The following TSGA10 variants were observed in gnomAD, a reference collection of about 807,000 sequenced individuals.
TSGA10 encodes testis-specific gene 10 protein.
A neutral mutation model predicts 96.6 loss-of-function variants in TSGA10; 43 were observed. The ratio of observed to expected loss-of-function variants is 0.44; its 90% confidence interval spans 0.35 to 0.57. TSGA10 has a LOEUF of 0.57. Ranked by LOEUF, TSGA10 falls within the 20% of genes least tolerant of loss-of-function variation. The probability of loss-of-function intolerance (pLI) is 0.01; values close to 1 mark genes in which losing one functional copy is unlikely to be tolerated. For synonymous variants in TSGA10, 229 were observed against 269.9 expected, an observed-to-expected ratio of 0.85 and a Z score of 1.48; for missense variants, 703 against 834.4, an observed-to-expected ratio of 0.84 and a Z score of 1.94.
intron 1 of TSGA10, among the ~76,000 whole-genome samples, chr2:99,144,669 A>AAAAAAAAAAAAAAAAC (rs2093614126): frequency 6.6e-6 from 1 of 151,522 alleles, no homozygotes; most frequent in African/African-American, 2.4e-5. Context: ...AAAAAAAAAA[A>AAAAAAAAAAAAAAAAC]AAGATGCTGA....
At chr2:99,126,316 C>G (rs1261352224) in intron 2 of TSGA10, 1 of 152,232 alleles carries the variant, frequency 6.6e-6, no homozygotes, top group East Asian at 1.9e-4. Flanking sequence ...CTTTCCTGGT[C>G]CTTTTCTTCG....
chr2:99,005,181 G>A (rs1466588657), intron 20 of TSGA10, among the ~76,000 whole-genome samples: 3 of 152,144 alleles, frequency 2.0e-5, no homozygotes, highest in Non-Finnish European at 4.4e-5. Context: ...CCCACAGCCA[G>A]TATCATACTG....
intron 10 of TSGA10, among the ~76,000 whole-genome samples, chr2:99,091,654 T>C (rs1367367233): frequency 6.6e-6 from 1 of 152,110 alleles, no homozygotes; most frequent in Non-Finnish European, 1.5e-5. Flanking sequence ...AGAGTAGCTA[T>C]TCTTATATCA....
At chr2:99,097,120 C>T (rs1009613046) in intron 10 of TSGA10, among the ~76,000 whole-genome samples, 4 of 152,060 alleles carry the variant, frequency 2.6e-5, no homozygotes, top group Admixed American at 1.3e-4. Flanking sequence ...GAAGGAAACG[C>T]TCTGTATCTT....
chr2:99,082,519 G>C (rs181747293), intron 10 of TSGA10, among the ~76,000 whole-genome samples: 7 of 152,134 alleles, frequency 4.6e-5, no homozygotes, highest in African/African-American at 1.4e-4. Context: ...TCTCTAACTC[G>C]CTTGGGTATA....
At position 99,102,300 on chromosome 2, in the gene TSGA10, C is replaced by T. The variant is rs1337611250; in HGVS notation, c.611+1667G>A. 5 of 1,611,832 alleles carry T rather than the reference C, an allele frequency of 3.1e-6. No homozygotes were observed. In the African/African-American group the frequency reaches 6.7e-5, roughly 22 times the overall value. On this transcript the variant is annotated intron_variant, in intron 10 of 20. Coordinates refer to ENST00000393483, the MANE Select transcript of TSGA10 (RefSeq NM_025244.4). ...AGGAGATGTGGAGGGCAGTCAGTCT[C>T]AAGATGAAGGAGAAGGGAGTGGTGA...
intron 1 of TSGA10, among the ~76,000 whole-genome samples, chr2:99,153,413 T>C (rs13421380): frequency 2.4e-4 from 36 of 152,150 alleles, no homozygotes; most frequent in African/African-American, 8.4e-4. Flanking sequence ...CACTGGAGGA[T>C]TGTTAAAGAG....
chr2:99,050,440 G>GA (rs1473615245), intron 16 of TSGA10, among the ~76,000 whole-genome samples: 1 of 151,868 alleles, frequency 6.6e-6, no homozygotes, highest in Non-Finnish European at 1.5e-5. Context: ...TCCATAATCA[G>GA]AAAAAAATCC....
intron 10 of TSGA10, chr2:99,102,468 G>A (rs1455268725): frequency 1.9e-5 from 31 of 1,613,690 alleles, no homozygotes; most frequent in Non-Finnish European, 8.5e-7. Flanking sequence ...ATCCTTGGTA[G>A]CCCTTGCTCT....
intron 11 of TSGA10, among the ~76,000 whole-genome samples, chr2:99,079,976 T>C (rs1236466662): frequency 6.6e-6 from 1 of 152,222 alleles, no homozygotes; most frequent in Admixed American, 6.5e-5. Context: ...TGTCCTGATA[T>C]CTGAGTTCAT....
intron 12 of TSGA10, among the ~76,000 whole-genome samples, chr2:99,074,351 C>CGTGTGTGTGTGTGTGTGTGTGTGTGTGT (rs147220063): frequency 6.9e-6 from 1 of 145,038 alleles, no homozygotes; most frequent in Non-Finnish European, 1.5e-5. Context: ...CACATATTTG[C>CGTGTGTGTGTGTGTGTGTGTGTGTGTGT]GTGTGTGTGT....
chr2:99,104,184 C>G (rs1302900303), intron 9 of TSGA10, 66 bp from the exon 10 acceptor site: 1 of 1,562,750 alleles, frequency 6.4e-7, no homozygotes, highest in Admixed American at 1.7e-5. Flanking sequence ...TCCTGAAGGG[C>G]ATACTCCCTC....
intron 2 of TSGA10, among the ~76,000 whole-genome samples, chr2:99,122,005 A>C (rs2092598657): frequency 6.6e-6 from 1 of 152,162 alleles, no homozygotes; most frequent in South Asian, 2.1e-4. Context: ...AAATGCTCCA[A>C]CACCACTTGT....
chr2:99,030,633 TG>T (rs2081052469), intron 17 of TSGA10, among the ~76,000 whole-genome samples: 1 of 152,072 alleles, frequency 6.6e-6, no homozygotes, highest in Non-Finnish European at 1.5e-5. Context: ...GGTGACAGAG[TG>T]AGACCCAATC....
rs1176013083 is a variant in TSGA10, at chr2:99,014,521, G to C, written c.2072+3679C>G. Among the ~76,000 whole-genome samples the C allele has an allele frequency of 2.6e-5, 4 of 152,112 alleles. 1 individual carries two copies. Among genetic ancestry groups the C allele is most frequent in the African/African-American group, 9.7e-5 (4 of 41,416 alleles). ...CTAAGAGAAAAGTTCATAGCATTTA[G>C]TGCCTACATCAGAAAGTTTGAAAGA... On this transcript the variant is annotated intron_variant, in intron 20 of 20. Coordinates refer to ENST00000393483, the MANE Select transcript of TSGA10 (RefSeq NM_025244.4).
At position 98,997,277 on chromosome 2, in the gene TSGA10, C is replaced by G. The variant is rs1169008902; in HGVS notation, c.*920G>C. The G allele has an allele frequency of 2.0e-5, 3 of 151,908 alleles. No individual in the cohort carries two copies. Among genetic ancestry groups the G allele is most frequent in the African/African-American group, 7.3e-5 (3 of 41,366 alleles). 9.4% of individuals were successfully genotyped at this position (151,908 alleles called of 1,614,324 possible). ...TCATATGAATACTATTAATGACAAGCCTTTTTTTATTAAAATGGCAAGAAT... is the reference window on the plus strand; with the variant it reads ...TCATATGAATACTATTAATGACAAGGCTTTTTTTATTAAAATGGCAAGAAT... On this transcript the variant is annotated 3_prime_UTR_variant, in exon 21 of 21. Transcript: ENST00000393483.
At chr2:99,042,390 G>C (rs541568315) in intron 16 of TSGA10, among the ~76,000 whole-genome samples, 2 of 152,132 alleles carry the variant, frequency 1.3e-5, no homozygotes, top group Non-Finnish European at 2.9e-5. Flanking sequence ...GACGGGACAT[G>C]GCCAGCCCAT....
chr2:99,028,338 CAAAT>C (rs1237048599), intron 17 of TSGA10, among the ~76,000 whole-genome samples: 1 of 152,108 alleles, frequency 6.6e-6, no homozygotes, highest in Non-Finnish European at 1.5e-5. Flanking sequence ...GTACGATTGA[CAAAT>C]AAAAATTATA....
chr2:99,056,244 T>C (rs1388068189), intron 16 of TSGA10, among the ~76,000 whole-genome samples: 1 of 151,780 alleles, frequency 6.6e-6, no homozygotes, highest in Non-Finnish European at 1.5e-5. Context: ...CACAACCAAG[T>C]AACCAAGTTA....
Sources: allele counts gnomAD v4.1 joint callset (sites outside exome capture counted in the v4.1 genomes callset), GRCh38; gene constraint gnomAD v4.1.1; transcripts MANE v1.5; gene names NCBI Gene and HGNC (gene_info 2026-07-23, HGNC 2026-07-21).